The following KIF16B variants were observed in gnomAD, a reference collection of about 807,000 sequenced individuals.
KIF16B encodes kinesin family member 16B, also known as kinesin-like protein KIF16B.
A neutral mutation model predicts 156.3 loss-of-function variants in KIF16B; 98 were observed. That is an observed-to-expected ratio of 0.63 (90% confidence interval 0.53 to 0.74). The LOEUF is 0.74. Ranked by LOEUF, KIF16B falls within the 30% of genes least tolerant of loss-of-function variation. The probability of loss-of-function intolerance (pLI) is 0.00; values close to 1 mark genes in which losing one functional copy is unlikely to be tolerated. For synonymous variants in KIF16B, 564 were observed against 583.7 expected, an observed-to-expected ratio of 0.97 and a Z score of 0.49; for missense variants, 1,421 against 1,606.5, an observed-to-expected ratio of 0.88 and a Z score of 1.97.
At chr20:16,359,095 T>C (rs2064500513) in intron 22 of KIF16B, among the ~76,000 whole-genome samples, 1 of 152,244 alleles carries the variant, frequency 6.6e-6, no homozygotes, top group African/African-American at 2.4e-5. Context: ...CTTTCTCTTT[T>C]CATAAGTCAG....
In KIF16B at chr20:16,474,385, A is replaced by C. The variant is rs181439632; in HGVS notation, c.1302+19906T>G. ...TTATGCAATTCCAATGTACATAAAC[A>C]TGTGAAGTGCTTAGGGCAGTGCTTG... On this transcript the variant is annotated intron_variant, in intron 12 of 25. Transcript: ENST00000354981. 1.3e-3 allele frequency among the ~76,000 whole-genome samples: 204 copies of C among 152,316 alleles called. 2 individuals are homozygous for C. Among genetic ancestry groups the C allele is most frequent in the African/African-American group, 4.4e-3 (183 of 41,568 alleles).
intron 24 of KIF16B, among the ~76,000 whole-genome samples, chr20:16,320,156 A>G (rs1255539568): frequency 1.3e-5 from 2 of 152,162 alleles, no homozygotes; most frequent in South Asian, 2.1e-4. Context: ...GAAGACAAAA[A>G]CAAGGGCACT....
intron 23 of KIF16B, among the ~76,000 whole-genome samples, chr20:16,347,663 A>G (rs1474414121): frequency 2.0e-5 from 3 of 152,190 alleles, no homozygotes; most frequent in Non-Finnish European, 4.4e-5. Flanking sequence ...ATAAAATGTG[A>G]TTCTTCAAGT....
At position 16,418,770 on chromosome 20, in the gene KIF16B, C is replaced by T. The variant is rs182509190; in HGVS notation, c.1612+8334G>A. Among the ~76,000 whole-genome samples the T allele has an allele frequency of 1.2e-3, 181 of 152,244 alleles. 1 individual carries two copies. The highest frequency in any genetic ancestry group is 4.1e-3 in the African/African-American group (172 of 41,550). On this transcript the variant is annotated intron_variant, in intron 15 of 25. Transcript: ENST00000354981. ...CTCAACTGTGCATGCTCATGTTTCTCCACTCATAAATATTCATGACTTCTC... is the reference window on the plus strand; with the variant it reads ...CTCAACTGTGCATGCTCATGTTTCTTCACTCATAAATATTCATGACTTCTC...
chr20:16,478,616 C>G (rs2067886623), intron 12 of KIF16B, among the ~76,000 whole-genome samples: 2 of 152,184 alleles, frequency 1.3e-5, no homozygotes, highest in African/African-American at 4.8e-5. Flanking sequence ...CATATCCATG[C>G]TGTATTTCCC....
chr20:16,489,696 CAA>C (rs36070522), intron 12 of KIF16B, among the ~76,000 whole-genome samples: 6,154 of 125,570 alleles, frequency 0.049, 348 homozygotes, highest in African/African-American at 0.14. Context: ...AATCCTGTCT[CAA>C]AAAAAAAAAA....
intron 11 of KIF16B, among the ~76,000 whole-genome samples, chr20:16,494,885 ACT>A (rs1313261128): frequency 1.3e-5 from 2 of 152,100 alleles, no homozygotes; most frequent in African/African-American, 4.8e-5. Context: ...TCTTTAAACG[ACT>A]CTTAGTAAAA....
rs143341004 is a variant in KIF16B, at chr20:16,294,232, C to T, written c.3795+18103G>A. On this transcript the variant is annotated intron_variant, in intron 25 of 25. Coordinates refer to ENST00000354981, the MANE Select transcript of KIF16B (RefSeq NM_024704.5). ...GTGTAAACACATACACACACAAACA[C>T]ATGCACAGAAAAACAGTCAGAGAAG... 2.6e-4 allele frequency among the ~76,000 whole-genome samples: 40 copies of T among 152,214 alleles called. No individual in the cohort carries two copies. In the East Asian group the frequency reaches 7.7e-3, roughly 29 times the overall value.
chr20:16,511,108 G>A (rs1327000664), intron 6 of KIF16B, among the ~76,000 whole-genome samples: 1 of 152,166 alleles, frequency 6.6e-6, no homozygotes, highest in Non-Finnish European at 1.5e-5. Context: ...CTGCAAAAAT[G>A]CAATGCCATT....
At position 16,379,924 on chromosome 20, in the gene KIF16B, T is replaced by C; in HGVS notation, c.2078A>G (p.Gln693Arg). The change falls in exon 19 of 26, where the codon CAG (glutamine) becomes CGG (arginine). Residue 693 changes from glutamine to arginine, a missense_variant. Physicochemically the swap from Gln to Arg is conservative, Grantham distance 43. Coordinates refer to ENST00000354981, the MANE Select transcript of KIF16B (RefSeq NM_024704.5). ...GGTCTCTTCTTCTTGTCTCTTCTTCTGCAGCTCGATTTCCTGCTGTTCCCT... is the reference window on the plus strand; with the variant it reads ...GGTCTCTTCTTCTTGTCTCTTCTTCCGCAGCTCGATTTCCTGCTGTTCCCT... Reference protein sequence around the residue: ...RLREQQEIELQKKRQEEETFL... With the variant: ...RLREQQEIELRKKRQEEETFL... 4 of 1,614,224 alleles carry C rather than the reference T, an allele frequency of 2.5e-6. No individual in the cohort carries two copies. Among genetic ancestry groups the C allele is most frequent in the Non-Finnish European group, 3.4e-6 (4 of 1,180,036 alleles).
At chr20:16,496,666 A>C (rs571385625) in intron 11 of KIF16B, among the ~76,000 whole-genome samples, 1 of 152,344 alleles carries the variant, frequency 6.6e-6, no homozygotes, top group Admixed American at 6.5e-5. Flanking sequence ...GTATTCATGA[A>C]AACTATTGTT....
chr20:16,481,987 G>T (rs191544143), intron 12 of KIF16B, among the ~76,000 whole-genome samples: 30 of 152,160 alleles, frequency 2.0e-4, no homozygotes, highest in African/African-American at 7.0e-4. Flanking sequence ...TGAGGTTCTG[G>T]GGAACAGAAA....
intron 23 of KIF16B, among the ~76,000 whole-genome samples, chr20:16,348,584 A>G (rs1244258791): frequency 2.0e-5 from 3 of 152,220 alleles, no homozygotes; most frequent in African/African-American, 7.2e-5. Flanking sequence ...ATGGATGTTC[A>G]GCGAGAGCAG....
At chr20:16,461,613 T>C (rs970081039) in intron 12 of KIF16B, among the ~76,000 whole-genome samples, 1 of 152,112 alleles carries the variant, frequency 6.6e-6, no homozygotes, top group Non-Finnish European at 1.5e-5. Context: ...ATAGAAGAGC[T>C]CTTTCTAAAA....
chr20:16,504,880 A>G (rs572447411), intron 9 of KIF16B, among the ~76,000 whole-genome samples: 63 of 152,290 alleles, frequency 4.1e-4, no homozygotes, highest in Middle Eastern at 6.8e-3. Context: ...CTCAACATTA[A>G]GTAGGAATTC....
At chr20:16,453,581 C>T (rs942190857) in intron 12 of KIF16B, among the ~76,000 whole-genome samples, 7 of 151,840 alleles carry the variant, frequency 4.6e-5, no homozygotes, top group African/African-American at 1.2e-4. Context: ...AAGATCACTA[C>T]ATGAAGAGCC....
intron 3 of KIF16B, among the ~76,000 whole-genome samples, chr20:16,517,164 G>T (rs1346276102): frequency 6.6e-6 from 1 of 152,196 alleles, no homozygotes; most frequent in Non-Finnish European, 1.5e-5. Flanking sequence ...ACAGCCAACT[G>T]GAACTCAGCT....
chr20:16,408,304 A>G (rs566098111), intron 15 of KIF16B, among the ~76,000 whole-genome samples: 1 of 152,316 alleles, frequency 6.6e-6, no homozygotes, highest in African/African-American at 2.4e-5. Context: ...GTGGGGCAGC[A>G]GCAGATATTA....
intron 12 of KIF16B, among the ~76,000 whole-genome samples, chr20:16,480,111 C>T (rs2067937733): frequency 1.3e-5 from 2 of 152,130 alleles, no homozygotes; most frequent in Non-Finnish European, 2.9e-5. Flanking sequence ...CCAAGCAGTA[C>T]TCATGATTTG....
Sources: allele counts gnomAD v4.1 joint callset (sites outside exome capture counted in the v4.1 genomes callset), GRCh38; gene constraint gnomAD v4.1.1; transcripts MANE v1.5; gene names NCBI Gene and HGNC (gene_info 2026-07-23, HGNC 2026-07-21).